ADGRB3: variants seen among roughly 807,000 people sequenced by gnomAD.
The protein encoded by ADGRB3 is adhesion G protein-coupled receptor B3, also known as brain-specific angiogenesis inhibitor 3.
ADGRB3 carries 37 observed loss-of-function variants against 193.4 expected under a neutral mutation model. That is an observed-to-expected ratio of 0.19 (90% CI 0.15 to 0.25). The LOEUF (loss-of-function observed/expected upper bound fraction) is 0.25. Among genes scored for constraint, ADGRB3 ranks in the 10% least tolerant of loss-of-function variants. ADGRB3 has a pLI of 1.00. For synonymous variants in ADGRB3, 690 were observed against 644.2 expected (o/e 1.07, Z -1.08); for missense variants, 1,637 against 1,852.9 (o/e 0.88, Z 2.14).
chr6:68,815,579 G>A (rs186071061), intron 3 of ADGRB3, among the ~76,000 whole-genome samples: 6 of 150,482 alleles, frequency 4.0e-5, no homozygotes, highest in Admixed American at 1.3e-4. Flanking sequence ...GATAACCAGA[G>A]TAATTTGATT....
At chr6:69,174,747 C>A (rs1455698283) in intron 17 of ADGRB3, among the ~76,000 whole-genome samples, 1 of 152,222 alleles carries the variant, frequency 6.6e-6, no homozygotes, top group Non-Finnish European at 1.5e-5. Flanking sequence ...ATTCTCTTTT[C>A]TCCATAGACT....
intron 10 of ADGRB3, among the ~76,000 whole-genome samples, chr6:68,982,722 C>G (rs1182688804): frequency 2.6e-5 from 4 of 152,078 alleles, no homozygotes; most frequent in Non-Finnish European, 5.9e-5. Context: ...GGCAGAAGCT[C>G]AGCAAATGTT....
chr6:69,018,297 A>G, intron 12 of ADGRB3, 94 bp from the exon 13 acceptor site: 1 of 706,004 alleles, frequency 1.4e-6, no homozygotes, highest in Non-Finnish European at 2.3e-6. Flanking sequence ...AACAAAGCTC[A>G]TTTGTGATTT....
intron 17 of ADGRB3, among the ~76,000 whole-genome samples, chr6:69,140,627 A>C (rs1285797966): frequency 6.6e-6 from 1 of 152,226 alleles, no homozygotes; most frequent in African/African-American, 2.4e-5. Flanking sequence ...ATTTAATTGC[A>C]CATTTAAAAA....
At chr6:68,778,544 C>T (rs1001762388) in intron 3 of ADGRB3, among the ~76,000 whole-genome samples, 2 of 152,080 alleles carry the variant, frequency 1.3e-5, no homozygotes, top group Non-Finnish European at 2.9e-5. Flanking sequence ...GTTTTCAACT[C>T]TTCCAGTGTC....
At chr6:68,877,077 CAT>C (rs1294624979) in intron 3 of ADGRB3, among the ~76,000 whole-genome samples, 5 of 151,978 alleles carry the variant, frequency 3.3e-5, no homozygotes, top group Non-Finnish European at 7.4e-5. Flanking sequence ...TTTTGATCCA[CAT>C]ATCTCTTGAC....
At chr6:69,191,476 G>T (rs964575507) in intron 17 of ADGRB3, among the ~76,000 whole-genome samples, 3 of 152,006 alleles carry the variant, frequency 2.0e-5, no homozygotes, top group Non-Finnish European at 4.4e-5. Flanking sequence ...GTCAAGAAGT[G>T]ATTCAAATAT....
At chr6:68,736,437 A>T (rs575757703) in intron 3 of ADGRB3, among the ~76,000 whole-genome samples, 5 of 152,304 alleles carry the variant, frequency 3.3e-5, no homozygotes, top group Non-Finnish European at 7.4e-5. Context: ...ATGTCAGTTG[A>T]CAGCAAGGTT....
At chr6:69,281,217 G>A (rs528019714) in intron 20 of ADGRB3, among the ~76,000 whole-genome samples, 5 of 152,318 alleles carry the variant, frequency 3.3e-5, no homozygotes, top group African/African-American at 1.2e-4. Context: ...TGTCCTGAAA[G>A]AGTGGTGAAA....
At chr6:69,120,572 A>C (rs1773653759) in intron 17 of ADGRB3, among the ~76,000 whole-genome samples, 2 of 152,332 alleles carry the variant, frequency 1.3e-5, no homozygotes, top group African/African-American at 2.4e-5. Flanking sequence ...ACTGATGTCA[A>C]TAATTGGCTT....
chr6:69,070,135 G>A (rs963089513), intron 16 of ADGRB3, among the ~76,000 whole-genome samples: 1 of 152,060 alleles, frequency 6.6e-6, no homozygotes, highest in African/African-American at 2.4e-5. Flanking sequence ...CCTTCTTCAT[G>A]CCCTTAGCTG....
At chr6:68,755,002 T>A (rs186601430) in intron 3 of ADGRB3, among the ~76,000 whole-genome samples, 2 of 152,298 alleles carry the variant, frequency 1.3e-5, no homozygotes, top group East Asian at 3.9e-4. Flanking sequence ...GATGGGTGCA[T>A]GTCTGCATAA....
intron 13 of ADGRB3, among the ~76,000 whole-genome samples, chr6:69,044,266 A>C (rs1771175825): frequency 6.6e-6 from 1 of 152,140 alleles, no homozygotes. Context: ...TCTCGCTCCT[A>C]GACTTTTTCT....
intron 20 of ADGRB3, among the ~76,000 whole-genome samples, chr6:69,291,019 A>G (rs1767654402): frequency 6.6e-6 from 1 of 152,192 alleles, no homozygotes; most frequent in Non-Finnish European, 1.5e-5. Flanking sequence ...AGAAAATTTG[A>G]GTTCAACCAT....
intron 20 of ADGRB3, among the ~76,000 whole-genome samples, chr6:69,284,000 C>T (rs1046838815): frequency 3.9e-5 from 6 of 152,170 alleles, no homozygotes; most frequent in Non-Finnish European, 8.8e-5. Context: ...TCATGGGCTG[C>T]TAGCTTATTC....
Position 68,654,457 on chromosome 6 carries a change from G to A in ADGRB3, c.757+15025G>A, listed in dbSNP as rs534989011. On this transcript the variant is annotated intron_variant, in intron 3 of 31. Transcript: ENST00000370598. ...ATAGTACACATAGGCCATTGAGCAA[G>A]TAGGAAATTAAAACAAAATGAAAAA... 2.9e-4 allele frequency among the ~76,000 whole-genome samples: 44 copies of A among 152,048 alleles called. 2 individuals carry two copies. In the South Asian group the frequency reaches 9.1e-3, roughly 32 times the overall value.
rs1766662712 is a variant in ADGRB3 at position 68,772,897 on chromosome 6, ATATATATAT to A, written c.757+133466_757+133474del. 3.2e-4 allele frequency among the ~76,000 whole-genome samples: 4 copies of A among 12,340 alleles called. No homozygotes were observed. The East Asian group carries it at 0.012, about 36-fold the overall frequency. 8.1% of individuals were successfully genotyped at this position (12,340 alleles called of 152,430 possible). On this transcript the variant is annotated intron_variant, in intron 3 of 31. Transcript: ENST00000370598. Reference sequence around the variant, plus strand: ...AACAAACAAACAAAAAAAAAAAAATATATATATATATATATATATATATATATATATATA... The same window carrying A: ...AACAAACAAACAAAAAAAAAAAAATAATATATATATATATATATATATATA...
intron 16 of ADGRB3, among the ~76,000 whole-genome samples, chr6:69,063,790 G>A (rs1771820676): frequency 6.6e-6 from 1 of 151,932 alleles, no homozygotes; most frequent in Non-Finnish European, 1.5e-5. Flanking sequence ...AATTTTCAAT[G>A]TCTACTTATT....
rs553348946 is a variant in ADGRB3 at position 69,021,340 on chromosome 6, GGAA to G, written c.2107+2846_2107+2848del. On this transcript the variant is annotated intron_variant, in intron 13 of 31. Transcript: ENST00000370598. ...TGACTATAGATAGTACACTCCTGAA[GGAA>G]GAAGGAGTTGAACAGTCAAATATGA... Among the ~76,000 whole-genome samples the G allele has an allele frequency of 3.2e-4, 48 of 151,924 alleles. No individual in the cohort carries two copies. In the East Asian group the frequency reaches 8.3e-3, roughly 26 times the overall value.
Sources: allele counts gnomAD v4.1 joint callset (sites outside exome capture counted in the v4.1 genomes callset), GRCh38; gene constraint gnomAD v4.1.1; transcripts MANE v1.5; gene names NCBI Gene and HGNC (gene_info 2026-07-23, HGNC 2026-07-21).